Variants in WNT7B observed in about 807,000 individuals in gnomAD.
The protein encoded by WNT7B is Wnt family member 7B.
Under a neutral mutation model 38.2 loss-of-function variants are expected in WNT7B, and 19 were observed. The ratio of observed to expected loss-of-function variants is 0.50; its 90% CI spans 0.35 to 0.73. The LOEUF (loss-of-function observed/expected upper bound fraction) is 0.73, where lower values mean the gene tolerates loss of function less well. Among genes scored for constraint, WNT7B ranks in the 30% least tolerant of loss-of-function variants. The pLI, the probability that WNT7B is intolerant of heterozygous loss-of-function variation, is 0.01. For synonymous variants in WNT7B, 243 were observed against 209.3 expected (o/e 1.16, Z -1.39); for missense variants, 423 against 507.9 (o/e 0.83, Z 1.61).
At position 45,947,134 on chromosome 22, in the gene WNT7B, G is replaced by A. The variant is rs1931815463; in HGVS notation, c.298+2786C>T. On this transcript the variant is annotated intron_variant, in intron 2 of 3. Transcript: ENST00000339464. ...CAGCTGAGCCCTGGAAGGGGAACGG[G>A]GCCTGGCGTGCTTGGGGAGGAGAGA... Among the ~76,000 whole-genome samples, 3 of 152,350 alleles carry A rather than the reference G, an allele frequency of 2.0e-5. No individual in the cohort carries two copies. In the South Asian group the frequency reaches 6.2e-4, roughly 32 times the overall value.
chr22:45,971,896 C>T (rs1010200008), intron 1 of WNT7B, among the ~76,000 whole-genome samples: 2 of 152,296 alleles, frequency 1.3e-5, no homozygotes, highest in East Asian at 1.9e-4. Context: ...GCTCTACTCC[C>T]GCAGTCGAGC....
At chr22:45,926,853 C>T (rs892106915) in intron 3 of WNT7B, 1 of 985,266 alleles carries the variant, frequency 1.0e-6, no homozygotes, top group African/African-American at 1.7e-5. Context: ...GAGGGTGTGC[C>T]CCTCCCAGGA....
intron 1 of WNT7B, chr22:45,954,798 G>A: frequency 1.0e-6 from 1 of 983,582 alleles, no homozygotes; most frequent in Non-Finnish European, 1.2e-6. Flanking sequence ...CTCCCATTCT[G>A]AGGGTTAACT....
intron 1 of WNT7B, among the ~76,000 whole-genome samples, chr22:45,970,239 C>T (rs934683455): frequency 4.6e-5 from 7 of 152,214 alleles, no homozygotes; most frequent in Non-Finnish European, 1.0e-4. Flanking sequence ...GTCTGCCTTC[C>T]TGTCCCCGAC....
At chr22:45,927,403 C>T (rs1931120462) in intron 3 of WNT7B, 4 of 1,529,664 alleles carry the variant, frequency 2.6e-6, no homozygotes, top group South Asian at 2.5e-5. Flanking sequence ...CACTCTTGCC[C>T]ATCAGGGACA....
intron 3 of WNT7B, 42 bp downstream of exon 3, chr22:45,931,056 C>G: frequency 6.6e-7 from 1 of 1,524,302 alleles, no homozygotes. Context: ...GGTGATACAG[C>G]GGTCCCAGCT....
chr22:45,966,293 C>T lies in WNT7B; in HGVS notation c.71+10391G>A, dbSNP rs143178627. ...AGGGGCTTTGCCATCTGTCTCACCACGTGGGACTGCGCGGGCCTAAGTCTC... is the reference window on the plus strand; with the variant it reads ...AGGGGCTTTGCCATCTGTCTCACCATGTGGGACTGCGCGGGCCTAAGTCTC... On this transcript the variant is annotated intron_variant, in intron 1 of 3. Transcript: ENST00000339464. The surrounding 1 kb of genome is among the most constrained non-coding windows in gnomAD (Gnocchi z 4.2). Among the ~76,000 whole-genome samples the T allele has an allele frequency of 2.9e-3, 443 of 152,344 alleles. 2 individuals carry two copies. Among genetic ancestry groups the T allele is most frequent in the Non-Finnish European group, 5.1e-3 (347 of 68,032 alleles).
chr22:45,931,421 G>A, intron 2 of WNT7B, 52 bp from the exon 3 acceptor site: 3 of 1,514,858 alleles, frequency 2.0e-6, no homozygotes, highest in Non-Finnish European at 1.8e-6. Flanking sequence ...TGGGCCAGGT[G>A]GGCTCAGGGG....
At chr22:45,929,029 C>T (rs1046199997) in intron 3 of WNT7B, among the ~76,000 whole-genome samples, 3 of 152,078 alleles carry the variant, frequency 2.0e-5, no homozygotes, top group African/African-American at 2.4e-5. Context: ...CTGAGCCTCA[C>T]TCTCCTTATC....
chr22:45,927,430 G>C (rs1053927235), intron 3 of WNT7B: 21 of 1,544,968 alleles, frequency 1.4e-5, no homozygotes, highest in Non-Finnish European at 1.6e-5. Context: ...TGGGCCACAT[G>C]CCAGCTAGGG....
intron 3 of WNT7B, among the ~76,000 whole-genome samples, chr22:45,929,514 TTCCG>T (rs1428054912): frequency 1.9e-4 from 17 of 87,670 alleles, no homozygotes; most frequent in East Asian, 8.6e-4. Context: ...CCACCAATAC[TTCCG>T]TCCATCTTTC....
chr22:45,972,768 A>C (rs1932478955), intron 1 of WNT7B: 1 of 152,344 alleles, frequency 6.6e-6, no homozygotes, highest in Non-Finnish European at 1.5e-5. Flanking sequence ...CAGAAGGTGC[A>C]CGTGGGGGCG....
At chr22:45,967,916 C>T (rs1046608510) in intron 1 of WNT7B, among the ~76,000 whole-genome samples, 2 of 152,136 alleles carry the variant, frequency 1.3e-5, no homozygotes, top group South Asian at 2.1e-4. Context: ...TGATTCCACT[C>T]CCCGTGGGAC....
At chr22:45,947,656 C>T (rs1328409828) in intron 2 of WNT7B, among the ~76,000 whole-genome samples, 1 of 152,212 alleles carries the variant, frequency 6.6e-6, no homozygotes, top group Non-Finnish European at 1.5e-5. Context: ...GTCCAGGCTA[C>T]AAGCCGGGGC....
rs1318887613 is a variant in WNT7B, at chr22:45,950,074, C to T, written c.144G>A (p.Gln48=). 1.2e-6 allele frequency: 2 copies of T among 1,614,062 alleles called. No homozygotes were observed. Among genetic ancestry groups the T allele is most frequent in the East Asian group, 4.5e-5 (2 of 44,886 alleles). ...CGGGCCGACTCTGGCAGATGGCACGCTGCCGCGGGGCTAGGCCAGGAATCT... is the reference window on the plus strand; with the variant it reads ...CGGGCCGACTCTGGCAGATGGCACGTTGCCGCGGGGCTAGGCCAGGAATCT... The part of the protein sequence containing the change: ...CNKIPGLAPR[Q]RAICQSRPDA... Residue 48 remains glutamine (Q), a synonymous_variant, in exon 2 of 4, where the codon CAG becomes CAA. Transcript: ENST00000339464.
chr22:45,936,432 G>C (rs889069090), intron 2 of WNT7B, among the ~76,000 whole-genome samples: 14 of 152,212 alleles, frequency 9.2e-5, no homozygotes, highest in African/African-American at 3.4e-4. Flanking sequence ...GCTGGAAACA[G>C]CCTCTTCCCC....
At chr22:45,944,467 G>A (rs140205756) in intron 2 of WNT7B, among the ~76,000 whole-genome samples, 1,985 of 152,336 alleles carry the variant, frequency 0.013, 17 homozygotes, top group Middle Eastern at 0.027. Flanking sequence ...GGGCAGCTTC[G>A]CCGCTAGGAA....
intron 2 of WNT7B, among the ~76,000 whole-genome samples, chr22:45,948,501 C>G (rs911088018): frequency 6.6e-6 from 1 of 152,252 alleles, no homozygotes; most frequent in Admixed American, 6.5e-5. Flanking sequence ...TGTGTCCCGG[C>G]AGCTGCGGCT....
chr22:45,947,863 C>T (rs377476654), intron 2 of WNT7B, among the ~76,000 whole-genome samples: 175 of 152,234 alleles, frequency 1.1e-3, no homozygotes, highest in African/African-American at 4.0e-3. Flanking sequence ...GAGACTGAGA[C>T]GGGATGCAGC....
Sources: gnomAD v4.1 joint callset for allele counts (sites outside exome capture counted in the v4.1 genomes callset) on GRCh38, gnomAD v4.1.1 for gene constraint, Gnocchi (gnomAD v3.1) non-coding constraint, MANE v1.5 for transcripts, NCBI Gene and HGNC (gene_info 2026-07-23, HGNC 2026-07-21) for gene names.